The following ATP8A2 variants were observed in gnomAD, a reference collection of about 807,000 sequenced individuals.
ATP8A2 encodes ATPase phospholipid transporting 8A2, also known as phospholipid-transporting ATPase IB.
A neutral mutation model predicts 165.6 loss-of-function variants in ATP8A2; 100 were observed. That is an observed-to-expected ratio of 0.60 (90% CI 0.51 to 0.71). The LOEUF is 0.71. Ranked by LOEUF, ATP8A2 falls within the 30% of genes least tolerant of loss-of-function variation. The probability of loss-of-function intolerance (pLI) is 0.00; values close to 1 mark genes in which losing one functional copy is unlikely to be tolerated. For missense variants in ATP8A2, 1,227 were observed against 1,479.5 expected, an observed-to-expected ratio of 0.83 and a Z score of 2.80; for synonymous variants, 543 against 548.8, an observed-to-expected ratio of 0.99 and a Z score of 0.15.
chr13:25,647,068 T>C (rs1462403434), intron 24 of ATP8A2, among the ~76,000 whole-genome samples: 1 of 152,236 alleles, frequency 6.6e-6, no homozygotes, highest in Non-Finnish European at 1.5e-5. Context: ...GTAATATGTA[T>C]TCCTTCGTAA....
At chr13:25,760,292 A>G (rs887930164) in intron 25 of ATP8A2, among the ~76,000 whole-genome samples, 6 of 152,218 alleles carry the variant, frequency 3.9e-5, no homozygotes, top group Non-Finnish European at 8.8e-5. Flanking sequence ...TCATGTAGTA[A>G]TTAAGATCAG....
chr13:25,934,074 A>G (rs1237286011), intron 33 of ATP8A2, among the ~76,000 whole-genome samples: 1 of 152,168 alleles, frequency 6.6e-6, no homozygotes, highest in East Asian at 1.9e-4. Flanking sequence ...CCCAAAAGAA[A>G]AGGTTTACCT....
intron 24 of ATP8A2, among the ~76,000 whole-genome samples, chr13:25,658,525 G>A (rs892185735): frequency 1.5e-4 from 23 of 152,154 alleles, no homozygotes; most frequent in African/African-American, 5.3e-4. Context: ...TGTAATCCCA[G>A]CTACTTGGGA....
Position 25,891,566 on chromosome 13 carries a change from T to C in ATP8A2, c.3183+29158T>C, listed in dbSNP as rs539785555. ...TCGAACTCCCTGACCTCAGGTGATC[T>C]GCCTACCTTGGCCTCCCAAAGTGCT... On this transcript the variant is annotated intron_variant, in intron 33 of 36. Coordinates refer to ENST00000381655, the MANE Select transcript of ATP8A2 (RefSeq NM_016529.6). Among the ~76,000 whole-genome samples, 6 of 152,256 alleles carry C rather than the reference T, an allele frequency of 3.9e-5. No individual in the cohort carries two copies. The South Asian group carries it at 1.2e-3, about 32-fold the overall frequency.
chr13:25,798,654 T>G (rs1323346001), intron 27 of ATP8A2, among the ~76,000 whole-genome samples: 2 of 152,190 alleles, frequency 1.3e-5, no homozygotes, highest in Non-Finnish European at 2.9e-5. Context: ...GGATGGTTTT[T>G]AGAAAGAAAG....
intron 23 of ATP8A2, among the ~76,000 whole-genome samples, chr13:25,583,115 A>C (rs1439360964): frequency 2.6e-5 from 4 of 152,342 alleles, no homozygotes; most frequent in African/African-American, 9.6e-5. Context: ...GCTACTAGAA[A>C]ATACAAACCC....
intron 35 of ATP8A2, among the ~76,000 whole-genome samples, chr13:25,971,469 TTC>T (rs1279117693): frequency 3.3e-5 from 5 of 152,238 alleles, no homozygotes; most frequent in African/African-American, 7.2e-5. Flanking sequence ...TTTTTGTCTC[TTC>T]TCACCCCTCC....
intron 33 of ATP8A2, among the ~76,000 whole-genome samples, chr13:25,933,461 A>C (rs1954815515): frequency 1.3e-5 from 2 of 152,184 alleles, no homozygotes; most frequent in Non-Finnish European, 2.9e-5. Flanking sequence ...TTCCTCTGTT[A>C]ATTCAGTTTC....
intron 33 of ATP8A2, among the ~76,000 whole-genome samples, chr13:25,878,519 G>T (rs1952882586): frequency 8.6e-6 from 1 of 116,778 alleles, no homozygotes; most frequent in Non-Finnish European, 1.8e-5. Context: ...AACAGAGGTC[G>T]TACCTGTCAC....
At chr13:25,650,188 A>G (rs2041777347) in intron 24 of ATP8A2, among the ~76,000 whole-genome samples, 1 of 152,200 alleles carries the variant, frequency 6.6e-6, no homozygotes, top group Non-Finnish European at 1.5e-5. Context: ...CACCCTTTCC[A>G]TGCGGCTTTT....
At chr13:25,421,224 A>G (rs2034289908) in intron 1 of ATP8A2, among the ~76,000 whole-genome samples, 1 of 152,252 alleles carries the variant, frequency 6.6e-6, no homozygotes, top group African/African-American at 2.4e-5. Flanking sequence ...ACTTAGGAGT[A>G]CATTTTGTTT....
chr13:25,935,608 A>G (rs1269920697), intron 33 of ATP8A2, among the ~76,000 whole-genome samples: 1 of 152,164 alleles, frequency 6.6e-6, no homozygotes. Context: ...GCAAAGCGGG[A>G]GCTGGTATAT....
chr13:25,408,855 T>C (rs2033885653), intron 1 of ATP8A2, among the ~76,000 whole-genome samples: 1 of 152,230 alleles, frequency 6.6e-6, no homozygotes, highest in African/African-American at 2.4e-5. Context: ...AATATTATGA[T>C]CCTCTTGGAA....
chr13:25,520,789 T>TA (rs2037645355), intron 2 of ATP8A2, among the ~76,000 whole-genome samples: 5 of 150,980 alleles, frequency 3.3e-5, no homozygotes, highest in African/African-American at 1.2e-4. Context: ...ATATATATAT[T>TA]TTTTTTAGTA....
intron 7 of ATP8A2, among the ~76,000 whole-genome samples, chr13:25,539,515 C>T (rs2038401938): frequency 6.6e-6 from 1 of 151,994 alleles, no homozygotes; most frequent in South Asian, 2.1e-4. Context: ...GTGTGCTGAA[C>T]AACCTGTTGA....
At chr13:25,764,479 A>G (rs1016815730) in intron 25 of ATP8A2, among the ~76,000 whole-genome samples, 1 of 152,234 alleles carries the variant, frequency 6.6e-6, no homozygotes, top group Non-Finnish European at 1.5e-5. Context: ...CATTTTTACT[A>G]GAAAGAACCT....
chr13:25,803,511 C>G (rs901189837), intron 27 of ATP8A2, among the ~76,000 whole-genome samples: 1 of 152,088 alleles, frequency 6.6e-6, no homozygotes, highest in Non-Finnish European at 1.5e-5. Context: ...AAAGATGTGG[C>G]CCAGATATAA....
intron 24 of ATP8A2, among the ~76,000 whole-genome samples, chr13:25,657,091 T>C (rs2041949453): frequency 6.7e-6 from 1 of 150,264 alleles, no homozygotes; most frequent in African/African-American, 2.5e-5. Context: ...AGACAGATAG[T>C]TTTCTTCATT....
chr13:25,594,928 C>T (rs186147800), intron 24 of ATP8A2, among the ~76,000 whole-genome samples: 2 of 151,056 alleles, frequency 1.3e-5, no homozygotes, highest in African/African-American at 4.9e-5. Flanking sequence ...AACCTGGAAC[C>T]AACCCAAATG....
Sources: gnomAD v4.1 joint callset for allele counts (sites outside exome capture counted in the v4.1 genomes callset) on GRCh38, gnomAD v4.1.1 for gene constraint, MANE v1.5 for transcripts, NCBI Gene and HGNC (gene_info 2026-07-23, HGNC 2026-07-21) for gene names.